Variants in TMEM272 observed in about 807,000 individuals in gnomAD.
The protein encoded by TMEM272 is long intergenic non-protein coding RNA 282.
Under a neutral mutation model 3.7 loss-of-function variants are expected in TMEM272, and 8 were observed. The observed-to-expected ratio is 2.17, with a 90% CI of 1.27 to 3.91. TMEM272 has a LOEUF of 3.91. Ranked by LOEUF, TMEM272 falls within the 30% of genes most tolerant of loss-of-function variation. The pLI, the probability that TMEM272 is intolerant of heterozygous loss-of-function variation, is 0.00. For missense variants in TMEM272, 166 were observed against 91.5 expected (o/e 1.81, Z -3.32); for synonymous variants, 63 against 39.8 (o/e 1.58, Z -2.20).
At chr13:51,889,642 GT>G in the TMEM272 span, among the ~76,000 whole-genome samples, 20 of 150,896 alleles carry the variant, frequency 1.3e-4, no homozygotes, top group South Asian at 1.0e-3. Context: ...GTGTGGGGGG[GT>G]TTTGTTTGTT....
the TMEM272 span, among the ~76,000 whole-genome samples, chr13:51,863,878 G>A: frequency 5.3e-5 from 8 of 152,136 alleles, no homozygotes; most frequent in Non-Finnish European, 1.0e-4. Context: ...GCACAAAATG[G>A]AAAACAATGC....
At chr13:51,894,721 G>A in the TMEM272 span, among the ~76,000 whole-genome samples, 10 of 152,154 alleles carry the variant, frequency 6.6e-5, no homozygotes, top group Non-Finnish European at 1.3e-4. Context: ...GACCAGTTTC[G>A]TGGAAGACAA....
chr13:51,838,354 G>C (rs1956233302), intron 2 of TMEM272, 119 bp downstream of exon 2: 2 of 690,008 alleles, frequency 2.9e-6, no homozygotes, highest in Non-Finnish European at 5.3e-6. Flanking sequence ...CTACCACCCT[G>C]GGGCCACCCC....
the TMEM272 span, among the ~76,000 whole-genome samples, chr13:51,864,103 C>CCTT: frequency 6.8e-5 from 10 of 147,182 alleles, no homozygotes; most frequent in African/African-American, 2.2e-4. Context: ...TCCCTTCCTT[C>CCTT]CTTCCCTCCC....
chr13:51,848,183 T>A (rs1412786631), upstream of TMEM272, among the ~76,000 whole-genome samples: 57 of 152,134 alleles, frequency 3.7e-4, no homozygotes, highest in Non-Finnish European at 4.4e-5. Context: ...CAACTGACAG[T>A]GGAAGCAGTT....
At chr13:51,853,793 A>G in the TMEM272 span, among the ~76,000 whole-genome samples, 1 of 152,248 alleles carries the variant, frequency 6.6e-6, no homozygotes, top group African/African-American at 2.4e-5. Flanking sequence ...AATAAAACCA[A>G]TTGCATAGAA....
At chr13:51,835,556 A>G (rs1956210008) in intron 2 of TMEM272, among the ~76,000 whole-genome samples, 1 of 152,230 alleles carries the variant, frequency 6.6e-6, no homozygotes, top group Non-Finnish European at 1.5e-5. Flanking sequence ...ATAAATATGT[A>G]GCTTTATAGG....
chr13:51,874,143 C>G, the TMEM272 span, among the ~76,000 whole-genome samples: 1 of 152,172 alleles, frequency 6.6e-6, no homozygotes, highest in Non-Finnish European at 1.5e-5. Context: ...CTGCCTGGGA[C>G]AGTAGTGTGA....
At chr13:51,872,683 A>G in the TMEM272 span, among the ~76,000 whole-genome samples, 11,502 of 152,296 alleles carry the variant, frequency 0.076, 491 homozygotes, top group Middle Eastern at 0.11. Flanking sequence ...ACAGAACAAG[A>G]GCAAGTAACA....
chr13:51,932,003 T>C, the TMEM272 span, among the ~76,000 whole-genome samples: 1 of 152,204 alleles, frequency 6.6e-6, no homozygotes. Flanking sequence ...TCTGTGTCAA[T>C]GGAGATGTCA....
the TMEM272 span, among the ~76,000 whole-genome samples, chr13:51,927,692 G>T: frequency 6.6e-6 from 1 of 152,040 alleles, no homozygotes; most frequent in African/African-American, 2.4e-5. Flanking sequence ...TCATTCAGGC[G>T]GTCAATAAAT....
the TMEM272 span, among the ~76,000 whole-genome samples, chr13:51,920,918 C>T: frequency 6.6e-6 from 1 of 152,222 alleles, no homozygotes; most frequent in African/African-American, 2.4e-5. Context: ...TCTGCCCCAT[C>T]GTGCCTGAGG....
chr13:51,817,344 G>A (rs1426344499), intron 4 of TMEM272, among the ~76,000 whole-genome samples: 3 of 152,182 alleles, frequency 2.0e-5, no homozygotes, highest in African/African-American at 4.8e-5. Flanking sequence ...TAAATTCATC[G>A]CCAGCATCCT....
At chr13:51,854,216 G>A in the TMEM272 span, among the ~76,000 whole-genome samples, 1 of 151,998 alleles carries the variant, frequency 6.6e-6, no homozygotes, top group South Asian at 2.1e-4. Flanking sequence ...TAATCTTATT[G>A]CTATTTCCTC....
chr13:51,928,216 G>A, the TMEM272 span, among the ~76,000 whole-genome samples: 1 of 152,158 alleles, frequency 6.6e-6, no homozygotes, highest in Non-Finnish European at 1.5e-5. Context: ...ACTTCCTCTG[G>A]CCCAACATAG....
intron 1 of TMEM272, among the ~76,000 whole-genome samples, chr13:51,839,073 G>T (rs917736627): frequency 6.6e-6 from 1 of 151,960 alleles, no homozygotes; most frequent in Non-Finnish European, 1.5e-5. Flanking sequence ...CTCACTTCCT[G>T]ACGCAGCTGC....
At chr13:51,865,030 G>A in the TMEM272 span, among the ~76,000 whole-genome samples, 12 of 152,178 alleles carry the variant, frequency 7.9e-5, no homozygotes, top group Non-Finnish European at 1.3e-4. Flanking sequence ...TTTAACAAAC[G>A]TAAATTCTTC....
At chr13:51,884,293 T>C in the TMEM272 span, among the ~76,000 whole-genome samples, 291 of 152,322 alleles carry the variant, frequency 1.9e-3, no homozygotes, top group African/African-American at 6.7e-3. Context: ...TTTCCACAGA[T>C]GGGGAGCCTA....
the TMEM272 span, chr13:51,865,488 G>A: frequency 5.0e-6 from 8 of 1,614,164 alleles, no homozygotes; most frequent in South Asian, 3.3e-5. Context: ...CCCAGTATTC[G>A]CCAGAAGAAA....
Sources: allele counts gnomAD v4.1 joint callset (sites outside exome capture counted in the v4.1 genomes callset), GRCh38; gene constraint gnomAD v4.1.1; transcripts MANE v1.5; gene names NCBI Gene and HGNC (gene_info 2026-07-23, HGNC 2026-07-21).